Variants in BCLAF3 observed in about 807,000 individuals in gnomAD.
The protein encoded by BCLAF3 is BCLAF1 and THRAP3 family member 3, also known as transient octamer binding factor 1.
Under a neutral mutation model 51.2 loss-of-function variants are expected in BCLAF3, and 24 were observed. The observed-to-expected ratio is 0.47, with a 90% CI of 0.34 to 0.66. The LOEUF (loss-of-function observed/expected upper bound fraction) is 0.66. Ranked by LOEUF, BCLAF3 falls within the 30% of genes least tolerant of loss-of-function variation. The probability of loss-of-function intolerance (pLI) is 0.01; values close to 1 mark genes in which losing one functional copy is unlikely to be tolerated. For synonymous variants in BCLAF3, 152 were observed against 176.6 expected (o/e 0.86, Z 1.10); for missense variants, 465 against 525.1 (o/e 0.89, Z 1.12).
In BCLAF3 at chrX:19,982,549, T is replaced by TCACA. The variant is rs60433883; in HGVS notation, c.-35+8355_-35+8358dup. 1.7e-3 allele frequency among the ~76,000 whole-genome samples: 167 copies of TCACA among 97,192 alleles called. 1 individual carries two copies. The highest frequency in any genetic ancestry group is 5.8e-3 in the South Asian group (12 of 2,065). 84.4% of individuals were successfully genotyped at this position (97,192 alleles called of 115,157 possible). A position where few individuals can be genotyped will look rare whatever the true frequency, so the allele number is the denominator to read the frequency against. On this transcript the variant is annotated intron_variant, in intron 1 of 11. Transcript: ENST00000379682. Reference sequence around the variant, plus strand: ...CTACTTTGATTACATAGATGCAATTTCACACACACACACACACACACACAC... The same window carrying TCACA: ...CTACTTTGATTACATAGATGCAATTTCACACACACACACACACACACACACACAC...
At chrX:19,960,851 T>C (rs1293694759) in intron 4 of BCLAF3, among the ~76,000 whole-genome samples, 1 of 111,975 alleles carries the variant, frequency 8.9e-6, no homozygotes, top group Non-Finnish European at 1.9e-5. Flanking sequence ...CACCCCTCTA[T>C]GTCTCTTCAG....
chrX:19,970,830 T>G (rs1405856677), intron 1 of BCLAF3, among the ~76,000 whole-genome samples: 1 of 111,691 alleles, frequency 9.0e-6, no homozygotes, highest in Non-Finnish European at 1.9e-5. Context: ...GCAAGTCAAA[T>G]GCATTGTAGT....
At chrX:19,973,893 T>G (rs1047518272) in intron 1 of BCLAF3, among the ~76,000 whole-genome samples, 1 of 112,433 alleles carries the variant, frequency 8.9e-6, no homozygotes, top group Middle Eastern at 4.6e-3. Context: ...CCATTTGATA[T>G]GCCAAAGGGC....
rs777395420 is a variant in BCLAF3, at chrX:19,929,843, G to A, written c.2048C>T (p.Thr683Ile). ...ATGAGTGATAAATCCCCTTGGGCCA[G>A]TGAACCGTAAACGCTGATACTTAGC... ...IQAKYQRLRF[T>I]GPRGFITHKF... is the part of the protein sequence containing the mutation. The change falls in exon 11 of 12, where the codon ACT (threonine) becomes ATT (isoleucine). Residue 683 changes from threonine (T) to isoleucine (I), a missense_variant. Transcript: ENST00000379682. 2 of 1,210,230 alleles carry A rather than the reference G, an allele frequency of 1.7e-6. No homozygotes were observed. Among genetic ancestry groups the A allele is most frequent in the Non-Finnish European group, 2.2e-6 (2 of 894,553 alleles).
At chrX:19,936,024 T>C (rs2070743541) in intron 9 of BCLAF3, 126 bp from the exon 10 acceptor site, 1 of 542,297 alleles carries the variant, frequency 1.8e-6, no homozygotes, top group East Asian at 3.4e-5. Flanking sequence ...AGCAGGGAGC[T>C]TAGCTGTAGA....
At chrX:19,920,645 C>T (rs749681675) in intron 11 of BCLAF3, among the ~76,000 whole-genome samples, 1 of 109,881 alleles carries the variant, frequency 9.1e-6, no homozygotes, top group Non-Finnish European at 1.9e-5. Flanking sequence ...CATGGCGAGA[C>T]CCCGTACCTA....
At position 19,929,779 on chromosome X, in the gene BCLAF3, A is replaced by G. The variant is rs761918425; in HGVS notation, c.2106+6T>C. The G allele has an allele frequency of 8.4e-7, 1 of 1,192,628 alleles. No homozygotes were observed. Among genetic ancestry groups the G allele is most frequent in the Non-Finnish European group, 1.1e-6 (1 of 887,021 alleles). On this transcript the variant is annotated splice_donor_region_variant and intron_variant, in intron 11 of 11. Coordinates refer to ENST00000379682, the MANE Select transcript of BCLAF3 (RefSeq NM_001367774.2). ...AACATTTTTAAATCATTTTAATTCA[A>G]CTAACCTTCTTTTTTCTCATTAATC...
chrX:19,925,802 A>T (rs991119503), intron 11 of BCLAF3, among the ~76,000 whole-genome samples: 3 of 112,171 alleles, frequency 2.7e-5, no homozygotes, highest in Non-Finnish European at 5.6e-5. Context: ...AATAGGTCTA[A>T]GCCATCAGTT....
intron 8 of BCLAF3, among the ~76,000 whole-genome samples, chrX:19,945,104 A>C (rs369893112): frequency 9.1e-6 from 1 of 110,048 alleles, no homozygotes; most frequent in Non-Finnish European, 1.9e-5. Context: ...CGTAGTTCTC[A>C]AGCCTTGGTT....
At chrX:19,946,697 C>T (rs2071314825) in intron 8 of BCLAF3, among the ~76,000 whole-genome samples, 1 of 111,723 alleles carries the variant, frequency 9.0e-6, no homozygotes, top group Non-Finnish European at 1.9e-5. Flanking sequence ...CATCTACTCT[C>T]TCCCTTTACC....
chrX:19,940,976 T>G (rs369256902), intron 8 of BCLAF3, among the ~76,000 whole-genome samples: 2 of 110,314 alleles, frequency 1.8e-5, no homozygotes, highest in African/African-American at 3.3e-5. Context: ...ACTGGTGTGA[T>G]ATGATATCTC....
intron 1 of BCLAF3, among the ~76,000 whole-genome samples, chrX:19,976,494 G>A (rs1220261205): frequency 2.7e-5 from 3 of 111,050 alleles, no homozygotes; most frequent in Non-Finnish European, 3.8e-5. Flanking sequence ...GGGTTCCAGC[G>A]ATTCTCCTGC....
intron 11 of BCLAF3, among the ~76,000 whole-genome samples, chrX:19,919,934 C>T (rs1257662374): frequency 1.8e-5 from 2 of 111,062 alleles, no homozygotes; most frequent in East Asian, 2.8e-4. Flanking sequence ...TTGGAAAGGC[C>T]TGCTTACAAA....
At position 19,914,865 on chromosome X, in the gene BCLAF3, G is replaced by C. The variant is rs2069896368; in HGVS notation, c.*2440C>G. On this transcript the variant is annotated 3_prime_UTR_variant, in exon 12 of 12. Coordinates refer to ENST00000379682, the MANE Select transcript of BCLAF3 (RefSeq NM_001367774.2). The stretch of plus-strand genomic sequence containing the variant: ...GGTGAAACCAATAGGAAAGAAACAT[G>C]ACGAGGGGATGCTGAATCAGAAATG... 1 of 111,972 alleles carries C rather than the reference G, an allele frequency of 8.9e-6. No individual in the cohort carries two copies. Among genetic ancestry groups the C allele is most frequent in the Non-Finnish European group, 1.9e-5 (1 of 53,229 alleles). 9.2% of individuals were successfully genotyped at this position (111,972 alleles called of 1,213,427 possible). A position where few individuals can be genotyped will look rare whatever the true frequency, so the allele number is the denominator to read the frequency against.
intron 1 of BCLAF3, among the ~76,000 whole-genome samples, chrX:19,983,602 C>A (rs1293380331): frequency 9.0e-6 from 1 of 110,782 alleles, no homozygotes; most frequent in Non-Finnish European, 1.9e-5. Context: ...ACGGTCCCAG[C>A]TACTCAGGAG....
chrX:19,982,952 T>C (rs1310115666), intron 1 of BCLAF3, among the ~76,000 whole-genome samples: 14 of 93,529 alleles, frequency 1.5e-4, no homozygotes, highest in Non-Finnish European at 2.2e-4. Flanking sequence ...GATTCCTTTT[T>C]TTTTTCTTTT....
At chrX:19,952,645 G>A (rs1368989281) in intron 7 of BCLAF3, among the ~76,000 whole-genome samples, 1 of 111,219 alleles carries the variant, frequency 9.0e-6, no homozygotes, top group Non-Finnish European at 1.9e-5. Context: ...TATATTCCAC[G>A]TGATTGCTTT....
chrX:19,987,294 G>A (rs779697150), intron 1 of BCLAF3, among the ~76,000 whole-genome samples: 30 of 111,191 alleles, frequency 2.7e-4, no homozygotes, highest in African/African-American at 9.2e-4. Flanking sequence ...CTTCTTCATT[G>A]GTCCAAACTG....
chrX:19,958,806 T>C lies in BCLAF3; in HGVS notation c.1275-3240A>G, dbSNP rs1030547966. ...AGAACGTATCCCCATCATTGCACAA[T>C]GCATGACTGTATATAATTTGCTCCT... On this transcript the variant is annotated intron_variant, in intron 4 of 11. Coordinates refer to ENST00000379682, the MANE Select transcript of BCLAF3 (RefSeq NM_001367774.2). Among the ~76,000 whole-genome samples, 3 of 112,486 alleles carry C rather than the reference T, an allele frequency of 2.7e-5. No homozygotes were observed. In the Admixed American group the frequency reaches 2.8e-4, roughly 11 times the overall value.
Sources: gnomAD v4.1 joint callset for allele counts (sites outside exome capture counted in the v4.1 genomes callset) on GRCh38, gnomAD v4.1.1 for gene constraint, MANE v1.5 for transcripts, NCBI Gene and HGNC (gene_info 2026-07-23, HGNC 2026-07-21) for gene names.